The following MAPKAP1 variants were observed in gnomAD, a reference collection of about 807,000 sequenced individuals.
The protein encoded by MAPKAP1 is MAPK associated protein 1.
A neutral mutation model predicts 65.7 loss-of-function variants in MAPKAP1; 20 were observed. That is an observed-to-expected ratio of 0.30 (90% confidence interval 0.21 to 0.44). The LOEUF (loss-of-function observed/expected upper bound fraction) is 0.44, where lower values mean the gene tolerates loss of function less well. MAPKAP1 is among the 20% of genes least tolerant of loss of function. MAPKAP1 has a pLI of 1.00. For synonymous variants in MAPKAP1, 222 were observed against 244.3 expected (o/e 0.91, Z 0.85); for missense variants, 423 against 648.0 (o/e 0.65, Z 3.77).
chr9:125,526,681 T>C (rs1420829187), intron 7 of MAPKAP1, among the ~76,000 whole-genome samples: 1 of 152,250 alleles, frequency 6.6e-6, no homozygotes, highest in Non-Finnish European at 1.5e-5. Context: ...GAAAGAAAGA[T>C]CCTTCTACAC....
chr9:125,565,985 A>G (rs193049860), intron 5 of MAPKAP1, among the ~76,000 whole-genome samples: 148 of 152,338 alleles, frequency 9.7e-4, no homozygotes, highest in African/African-American at 3.5e-3. Flanking sequence ...TCTGTCACTT[A>G]AATAAAATAC....
chr9:125,561,585 G>T (rs1284960419), intron 5 of MAPKAP1, among the ~76,000 whole-genome samples: 9 of 152,194 alleles, frequency 5.9e-5, no homozygotes, highest in Non-Finnish European at 1.5e-5. Flanking sequence ...GCAAAAGAAA[G>T]CACTTTGGAT....
chr9:125,649,324 A>G (rs1264159717), intron 4 of MAPKAP1, among the ~76,000 whole-genome samples: 1 of 152,206 alleles, frequency 6.6e-6, no homozygotes, highest in African/African-American at 2.4e-5. Flanking sequence ...AAATACGTCC[A>G]TGTTGTTTAC....
Position 125,553,645 on chromosome 9 carries a change from A to G in MAPKAP1, c.848+5988T>C, listed in dbSNP as rs78596275. 7.9e-5 allele frequency among the ~76,000 whole-genome samples: 12 copies of G among 152,306 alleles called. No homozygotes were observed. In the East Asian group the frequency reaches 2.3e-3, roughly 29 times the overall value. ...AAACCTACCCCATGCCCATTTGTCT[A>G]TGTAGTCTACGGCTACTCACACACT... On this transcript the variant is annotated intron_variant, in intron 6 of 11. Coordinates refer to ENST00000265960, the MANE Select transcript of MAPKAP1 (RefSeq NM_001006617.3).
chr9:125,554,746 T>A (rs952618267), intron 6 of MAPKAP1, among the ~76,000 whole-genome samples: 4 of 130,708 alleles, frequency 3.1e-5, no homozygotes, highest in Non-Finnish European at 4.6e-5. Context: ...CAGTGAGCCA[T>A]GATCACATCA....
chr9:125,543,608 T>C (rs1429848535), intron 6 of MAPKAP1, among the ~76,000 whole-genome samples: 1 of 152,170 alleles, frequency 6.6e-6, no homozygotes, highest in East Asian at 1.9e-4. Flanking sequence ...AAGTGCATAC[T>C]GAGGTGCCAA....
At chr9:125,528,129 A>G (rs527953400) in intron 7 of MAPKAP1, among the ~76,000 whole-genome samples, 4 of 152,300 alleles carry the variant, frequency 2.6e-5, no homozygotes, top group Non-Finnish European at 2.9e-5. Flanking sequence ...CACTGTACTC[A>G]AGGAAAAGCG....
At chr9:125,569,783 TTCTG>T (rs1023559346) in intron 5 of MAPKAP1, among the ~76,000 whole-genome samples, 34 of 152,352 alleles carry the variant, frequency 2.2e-4, no homozygotes, top group African/African-American at 7.2e-4. Flanking sequence ...AGTAATCTTC[TTCTG>T]TCTTTCTGTG....
chr9:125,499,846 G>A (rs750059239), intron 8 of MAPKAP1, among the ~76,000 whole-genome samples: 4 of 152,086 alleles, frequency 2.6e-5, no homozygotes, highest in Admixed American at 6.6e-5. Flanking sequence ...AACTAGCCAG[G>A]TGTGGTAGTG....
At chr9:125,479,135 C>T (rs2416963) in intron 9 of MAPKAP1, among the ~76,000 whole-genome samples, 73,906 of 152,072 alleles carry the variant, frequency 0.49, 18,800 homozygotes, top group African/African-American at 0.64. Flanking sequence ...CAGGCGCCAG[C>T]GCATGCAAAG....
chr9:125,559,464 A>T, intron 6 of MAPKAP1, 169 bp downstream of exon 6: 1 of 598,328 alleles, frequency 1.7e-6, no homozygotes, highest in Non-Finnish European at 2.9e-6. Context: ...CAGAGGCATG[A>T]AATACAATGC....
chr9:125,589,910 T>C (rs1359790105), intron 4 of MAPKAP1, among the ~76,000 whole-genome samples: 2 of 152,246 alleles, frequency 1.3e-5, no homozygotes, highest in Non-Finnish European at 2.9e-5. Context: ...TTTTCAGCTC[T>C]GAAATAATAA....
In MAPKAP1 at chr9:125,603,863, G is replaced by A. The variant is rs1832374615; in HGVS notation, c.499-18136C>T. On this transcript the variant is annotated intron_variant, in intron 4 of 11. Transcript: ENST00000265960. ...CTCTGATAACCTGCCCCGAGAGGTG[G>A]GCAAGGCTTTGGTTTATTGGGCAAT... Among the ~76,000 whole-genome samples the A allele has an allele frequency of 2.6e-5, 4 of 152,260 alleles. No individual in the cohort carries two copies. The South Asian group carries it at 8.3e-4, about 32-fold the overall frequency.
chr9:125,542,316 T>C (rs77028640), intron 7 of MAPKAP1, among the ~76,000 whole-genome samples: 2 of 152,182 alleles, frequency 1.3e-5, no homozygotes, highest in Non-Finnish European at 2.9e-5. Context: ...CCAGCAATGC[T>C]TTTTTTCCTT....
At chr9:125,609,410 T>C (rs1589337656) in intron 4 of MAPKAP1, among the ~76,000 whole-genome samples, 2 of 152,124 alleles carry the variant, frequency 1.3e-5, no homozygotes, top group African/African-American at 4.8e-5. Context: ...CCTTAAGAAA[T>C]CCCACTCTCG....
chr9:125,636,402 G>A (rs192162357), intron 4 of MAPKAP1, among the ~76,000 whole-genome samples: 3 of 152,222 alleles, frequency 2.0e-5, no homozygotes, highest in African/African-American at 2.4e-5. Context: ...AAAAGCTAAC[G>A]CATATATATC....
chr9:125,587,431 T>C (rs562272495), intron 4 of MAPKAP1, among the ~76,000 whole-genome samples: 31 of 152,268 alleles, frequency 2.0e-4, no homozygotes, highest in African/African-American at 7.5e-4. Flanking sequence ...CTGGGCGTGA[T>C]GGCAGGCGCC....
At chr9:125,544,551 G>C (rs978229957) in intron 6 of MAPKAP1, among the ~76,000 whole-genome samples, 1 of 152,148 alleles carries the variant, frequency 6.6e-6, no homozygotes, top group Non-Finnish European at 1.5e-5. Flanking sequence ...ACTTCACCAA[G>C]ACTGTTAATT....
At position 125,438,405 on chromosome 9, in the gene MAPKAP1, C is replaced by A. The variant is rs1439169494; in HGVS notation, c.*482G>T. 5.0e-6 allele frequency: 2 copies of A among 398,996 alleles called. No individual in the cohort carries two copies. Among genetic ancestry groups the A allele is most frequent in the Non-Finnish European group, 8.8e-6 (2 of 226,182 alleles). The allele number at this position is 398,996 out of a possible 1,614,324, so 24.7% of individuals were successfully genotyped here. A position where few individuals can be genotyped will look rare whatever the true frequency, so the allele number is the denominator to read the frequency against. Reference sequence around the variant, plus strand: ...CCAATCTGCCTGTTCAATATGGGAACAGATTTTAAAGAGAGTAACATAATC... The same window carrying A: ...CCAATCTGCCTGTTCAATATGGGAAAAGATTTTAAAGAGAGTAACATAATC... On this transcript the variant is annotated 3_prime_UTR_variant, in exon 12 of 12. Coordinates refer to ENST00000265960, the MANE Select transcript of MAPKAP1 (RefSeq NM_001006617.3).
Sources: gnomAD v4.1 joint callset for allele counts (sites outside exome capture counted in the v4.1 genomes callset) on GRCh38, gnomAD v4.1.1 for gene constraint, MANE v1.5 for transcripts, NCBI Gene and HGNC (gene_info 2026-07-23, HGNC 2026-07-21) for gene names.